Variants in TMEM266 observed in about 807,000 individuals in gnomAD.
TMEM266 encodes transmembrane protein 266.
TMEM266 carries 33 observed loss-of-function variants against 50.5 expected under a neutral mutation model. The observed-to-expected ratio is 0.65, with a 90% CI of 0.50 to 0.87. TMEM266 has a LOEUF of 0.87. TMEM266 is among the 40% of genes least tolerant of loss of function. The pLI, the probability that TMEM266 is intolerant of heterozygous loss-of-function variation, is 0.00. For missense variants in TMEM266, 655 were observed against 695.1 expected, an observed-to-expected ratio of 0.94 and a Z score of 0.65; for synonymous variants, 310 against 292.3, an observed-to-expected ratio of 1.06 and a Z score of -0.62.
In TMEM266 at chr15:76,137,858, C is replaced by A; in HGVS notation, c.190C>A (p.Leu64Ile). 6.2e-7 allele frequency: 1 copy of A among 1,601,256 alleles called. No homozygotes were observed. Among genetic ancestry groups the A allele is most frequent in the Admixed American group, 1.7e-5 (1 of 58,064 alleles). Residue 64 changes from leucine to isoleucine, a missense_variant, in exon 3 of 11, where the codon CTC becomes ATC. By Grantham distance (5) the Leu-to-Ile change is conservative. Around this residue, in one of 3 missense-constraint regions of TMEM266, gnomAD observed 99 missense variants for 110.8 expected, o/e 0.89. Transcript: ENST00000388942. Reference sequence around the variant, plus strand: ...CGATCTCTCCACGGCGGGCTCGCAGCTCCTGTCAAATCTGGACGAAGATTA... The same window carrying A: ...CGATCTCTCCACGGCGGGCTCGCAGATCCTGTCAAATCTGGACGAAGATTA...
At chr15:76,156,583 T>TC in intron 3 of TMEM266, 21 bp from the exon 4 acceptor site, 1 of 1,612,544 alleles carries the variant, frequency 6.2e-7, no homozygotes, top group Non-Finnish European at 8.5e-7. Flanking sequence ...GCCTCTCTTC[T>TC]CCCCACTTTT....
At chr15:76,162,241 G>A (rs561287302) in intron 5 of TMEM266, among the ~76,000 whole-genome samples, 1 of 152,188 alleles carries the variant, frequency 6.6e-6, no homozygotes, top group East Asian at 1.9e-4. Context: ...GGTAGCAGGG[G>A]CCACCCCTGC....
intron 2 of TMEM266, among the ~76,000 whole-genome samples, chr15:76,135,603 G>T (rs1472203845): frequency 1.3e-5 from 2 of 152,190 alleles, no homozygotes; most frequent in Non-Finnish European, 2.9e-5. Context: ...TGGGGGAGCT[G>T]GGATTCCCCC....
intron 1 of TMEM266, among the ~76,000 whole-genome samples, chr15:76,123,666 C>T (rs931860590): frequency 6.6e-6 from 1 of 152,086 alleles, no homozygotes. Context: ...CTAAGACAAC[C>T]GAGATTATGT....
chr15:76,176,822 C>A (rs1486503972), intron 8 of TMEM266, among the ~76,000 whole-genome samples: 1 of 152,188 alleles, frequency 6.6e-6, no homozygotes, highest in African/African-American at 2.4e-5. Flanking sequence ...CAGGCAGTCT[C>A]CAAGGTGGCC....
intron 1 of TMEM266, among the ~76,000 whole-genome samples, chr15:76,073,845 C>A (rs1362530529): frequency 6.6e-6 from 1 of 152,226 alleles, no homozygotes; most frequent in Non-Finnish European, 1.5e-5. Flanking sequence ...TTAACATCTG[C>A]ATTTCCACCT....
At chr15:76,156,819 G>A in intron 4 of TMEM266, 61 bp downstream of exon 4, 1 of 1,554,350 alleles carries the variant, frequency 6.4e-7, no homozygotes, top group Non-Finnish European at 8.8e-7. Context: ...ATGTGCATCT[G>A]CATTCATCAG....
intron 5 of TMEM266, among the ~76,000 whole-genome samples, chr15:76,166,032 G>C (rs537136254): frequency 1.3e-5 from 2 of 152,312 alleles, no homozygotes; most frequent in East Asian, 3.9e-4. Flanking sequence ...TGCGTTTCAC[G>C]TAAACCCCCC....
intron 5 of TMEM266, among the ~76,000 whole-genome samples, chr15:76,166,220 G>C (rs2038094729): frequency 6.6e-6 from 1 of 152,102 alleles, no homozygotes; most frequent in African/African-American, 2.4e-5. Flanking sequence ...GTCTGGGGAG[G>C]GGAAGGATGC....
chr15:76,091,874 C>T (rs2036853661), intron 1 of TMEM266, among the ~76,000 whole-genome samples: 1 of 151,372 alleles, frequency 6.6e-6, no homozygotes, highest in Admixed American at 6.6e-5. Context: ...CCCTATGATC[C>T]CAACTACCAT....
At chr15:76,152,814 G>A (rs562838846) in intron 3 of TMEM266, among the ~76,000 whole-genome samples, 1 of 152,306 alleles carries the variant, frequency 6.6e-6, no homozygotes, top group East Asian at 1.9e-4. Context: ...ACCAGCACCT[G>A]TTGTATTGAT....
At chr15:76,077,651 G>C (rs542277700) in intron 1 of TMEM266, among the ~76,000 whole-genome samples, 1 of 152,196 alleles carries the variant, frequency 6.6e-6, no homozygotes, top group South Asian at 2.1e-4. Flanking sequence ...AGTTGTGGCA[G>C]CAACGTGACC....
intron 3 of TMEM266, among the ~76,000 whole-genome samples, chr15:76,146,623 A>G (rs2037760998): frequency 6.6e-6 from 1 of 152,268 alleles, no homozygotes; most frequent in South Asian, 2.1e-4. Context: ...GACAGACCCA[A>G]TATAGCAAAC....
At chr15:76,114,774 T>C (rs921768220) in intron 1 of TMEM266, among the ~76,000 whole-genome samples, 6 of 152,184 alleles carry the variant, frequency 3.9e-5, no homozygotes, top group African/African-American at 1.2e-4. Context: ...ATTACTACTA[T>C]TTAGTTCCGA....
intron 3 of TMEM266, among the ~76,000 whole-genome samples, chr15:76,155,867 T>A (rs1194414972): frequency 1.3e-5 from 2 of 152,180 alleles, no homozygotes; most frequent in East Asian, 3.8e-4. Flanking sequence ...GAGCATTTAT[T>A]AAAGGCAAAT....
intron 3 of TMEM266, among the ~76,000 whole-genome samples, chr15:76,141,638 A>G (rs1337668795): frequency 6.6e-6 from 1 of 152,226 alleles, no homozygotes; most frequent in Non-Finnish European, 1.5e-5. Context: ...CTTCAGTGGC[A>G]TTAAGGACAT....
intron 10 of TMEM266, among the ~76,000 whole-genome samples, chr15:76,202,828 C>T (rs1292853843): frequency 2.0e-5 from 3 of 152,266 alleles, no homozygotes; most frequent in South Asian, 2.1e-4. Context: ...GTTTGAATTT[C>T]GCAGCCCCCA....
intron 7 of TMEM266, 123 bp downstream of exon 7, chr15:76,171,254 C>T (rs1011151198): frequency 4.7e-5 from 65 of 1,369,476 alleles, no homozygotes; most frequent in Middle Eastern, 2.3e-4. Flanking sequence ...GTGAAACTGT[C>T]GGCAGGGAGA....
intron 1 of TMEM266, among the ~76,000 whole-genome samples, chr15:76,061,474 A>C (rs1255887297): frequency 2.0e-5 from 3 of 152,192 alleles, no homozygotes; most frequent in Non-Finnish European, 1.5e-5. Context: ...GGGAGCCCTG[A>C]GGGGGCTTTT....
Sources: gnomAD v4.1 joint callset for allele counts (sites outside exome capture counted in the v4.1 genomes callset) on GRCh38, gnomAD v4.1.1 for gene constraint, gnomAD v4.1.1 regional missense constraint, MANE v1.5 for transcripts, NCBI Gene and HGNC (gene_info 2026-07-23, HGNC 2026-07-21) for gene names.